Variants in ATP10B observed in about 807,000 individuals in gnomAD.
ATP10B encodes phospholipid-transporting ATPase VB.
In ATP10B, 122 loss-of-function variants were observed where a neutral mutation model predicts 141.2. The ratio of observed to expected loss-of-function variants is 0.86; its 90% CI spans 0.75 to 1.00. ATP10B has a LOEUF of 1.00. Ranked by LOEUF, ATP10B falls within the 50% of genes least tolerant of loss-of-function variation. ATP10B has a pLI of 0.00. For missense variants in ATP10B, 1,876 were observed against 1,825.3 expected, an observed-to-expected ratio of 1.03 and a Z score of -0.51; for synonymous variants, 685 against 692.0, an observed-to-expected ratio of 0.99 and a Z score of 0.16.
the ATP10B span, among the ~76,000 whole-genome samples, chr5:160,882,809 C>T: frequency 6.6e-6 from 1 of 152,066 alleles, no homozygotes; most frequent in African/African-American, 2.4e-5. Flanking sequence ...AAAATTGTGA[C>T]CAAGGTTTCA....
chr5:160,925,578 C>A, the ATP10B span, among the ~76,000 whole-genome samples: 1 of 152,158 alleles, frequency 6.6e-6, no homozygotes, highest in Non-Finnish European at 1.5e-5. Flanking sequence ...GTGGCAGATA[C>A]GAAGTAGTAA....
At chr5:160,731,872 G>A (rs1196019546) in intron 2 of ATP10B, among the ~76,000 whole-genome samples, 1 of 152,120 alleles carries the variant, frequency 6.6e-6, no homozygotes, top group Non-Finnish European at 1.5e-5. Context: ...AAACAGTTCA[G>A]TTCTAATCAA....
intron 22 of ATP10B, among the ~76,000 whole-genome samples, chr5:160,597,620 G>C (rs983432695): frequency 5.3e-5 from 8 of 151,840 alleles, no homozygotes; most frequent in Non-Finnish European, 1.0e-4. Context: ...CCTACAAAAT[G>C]GGAGAAAATT....
chr5:160,797,277 GGAT>G (rs1772015161), intron 1 of ATP10B, among the ~76,000 whole-genome samples: 1 of 152,096 alleles, frequency 6.6e-6, no homozygotes, highest in African/African-American at 2.4e-5. Flanking sequence ...GGTTACCTAT[GGAT>G]GCATGCACAA....
chr5:160,823,744 G>A (rs1415049631), intron 1 of ATP10B, among the ~76,000 whole-genome samples: 2 of 152,034 alleles, frequency 1.3e-5, no homozygotes, highest in African/African-American at 2.4e-5. Flanking sequence ...TGAGGCAGGA[G>A]AATGGCATGA....
intron 2 of ATP10B, among the ~76,000 whole-genome samples, chr5:160,739,110 G>A (rs1040603356): frequency 2.6e-5 from 4 of 152,112 alleles, no homozygotes; most frequent in Non-Finnish European, 5.9e-5. Context: ...TTCAGTGGAC[G>A]CAGAAAAAAT....
the ATP10B span, among the ~76,000 whole-genome samples, chr5:160,879,727 A>G: frequency 0.028 from 4,288 of 152,124 alleles, 165 homozygotes; most frequent in East Asian, 0.16. Context: ...AGTCCCAGCT[A>G]CTTGGGAGGC....
intron 1 of ATP10B, among the ~76,000 whole-genome samples, chr5:160,834,360 C>A (rs1292212078): frequency 6.6e-6 from 1 of 151,912 alleles, no homozygotes; most frequent in Non-Finnish European, 1.5e-5. Flanking sequence ...AAATGGTGAT[C>A]AAACCAACAG....
Position 160,821,876 on chromosome 5 carries a change from A to G in ATP10B, c.-576+30065T>C, listed in dbSNP as rs75773960. ...AAAATCAAATAAAAATGGATTAAAA[A>G]CTTAAATCTAAGACCTTAAACTATG... On this transcript the variant is annotated intron_variant, in intron 1 of 25. Coordinates refer to ENST00000327245, the MANE Select transcript of ATP10B (RefSeq NM_025153.3). Among the ~76,000 whole-genome samples, 258 of 152,308 alleles carry G rather than the reference A, an allele frequency of 1.7e-3. 3 individuals are homozygous for G. In the East Asian group the frequency reaches 0.027, roughly 16 times the overall value.
chr5:160,756,891 T>C (rs1254452718), intron 2 of ATP10B, among the ~76,000 whole-genome samples: 1 of 152,180 alleles, frequency 6.6e-6, no homozygotes, highest in African/African-American at 2.4e-5. Context: ...CGAATATTTT[T>C]TCCTAGTATA....
At chr5:160,902,055 C>T in the ATP10B span, among the ~76,000 whole-genome samples, 44 of 152,292 alleles carry the variant, frequency 2.9e-4, no homozygotes, top group African/African-American at 1.0e-3. Context: ...CCTACTTCTA[C>T]TAATTCCTGA....
At chr5:160,925,245 T>C in the ATP10B span, among the ~76,000 whole-genome samples, 1 of 152,242 alleles carries the variant, frequency 6.6e-6, no homozygotes, top group Non-Finnish European at 1.5e-5. Flanking sequence ...CTTACACTTA[T>C]ACAAGATGGG....
intron 1 of ATP10B, among the ~76,000 whole-genome samples, chr5:160,832,150 C>T (rs1581622127): frequency 6.6e-6 from 1 of 152,202 alleles, no homozygotes; most frequent in Non-Finnish European, 1.5e-5. Flanking sequence ...TATGAGATCA[C>T]ATTGTGTTTA....
At chr5:160,806,736 G>A (rs1322882664) in intron 1 of ATP10B, among the ~76,000 whole-genome samples, 1 of 152,138 alleles carries the variant, frequency 6.6e-6, no homozygotes, top group African/African-American at 2.4e-5. Flanking sequence ...TTTTATAGTT[G>A]AGGTAATTGA....
At chr5:160,821,128 A>T (rs1774070394) in intron 1 of ATP10B, among the ~76,000 whole-genome samples, 1 of 152,160 alleles carries the variant, frequency 6.6e-6, no homozygotes, top group South Asian at 2.1e-4. Flanking sequence ...AGACTACAGC[A>T]AATTATTCAG....
the ATP10B span, among the ~76,000 whole-genome samples, chr5:160,905,873 C>A: frequency 6.6e-6 from 1 of 151,960 alleles, no homozygotes; most frequent in African/African-American, 2.4e-5. Context: ...AACCTACCTG[C>A]TTTCACTGGC....
chr5:160,609,790 G>A (rs920958068), intron 18 of ATP10B, among the ~76,000 whole-genome samples: 3 of 152,180 alleles, frequency 2.0e-5, no homozygotes, highest in Admixed American at 6.5e-5. Context: ...GAGCCCAGAC[G>A]GGCCACAGGA....
chr5:160,593,465 G>A (rs998955120), intron 22 of ATP10B, among the ~76,000 whole-genome samples: 1 of 152,128 alleles, frequency 6.6e-6, no homozygotes, highest in Non-Finnish European at 1.5e-5. Flanking sequence ...ACAAAGATGG[G>A]GAAAAAACAG....
intron 2 of ATP10B, among the ~76,000 whole-genome samples, chr5:160,721,206 G>T (rs1765980738): frequency 6.6e-6 from 1 of 152,202 alleles, no homozygotes; most frequent in South Asian, 2.1e-4. Flanking sequence ...TGTCCGTATG[G>T]ACTGTTAATA....
Sources: gnomAD v4.1 joint callset for allele counts (sites outside exome capture counted in the v4.1 genomes callset) on GRCh38, gnomAD v4.1.1 for gene constraint, MANE v1.5 for transcripts, NCBI Gene and HGNC (gene_info 2026-07-23, HGNC 2026-07-21) for gene names.